Variants in RASGRP3 observed in about 807,000 individuals in gnomAD.
RASGRP3 encodes the protein ras guanyl-releasing protein 3.
RASGRP3 carries 54 observed loss-of-function variants against 82.7 expected under a neutral mutation model. The observed-to-expected ratio is 0.65, with a 90% CI of 0.52 to 0.82. The LOEUF is 0.82. Ranked by LOEUF, RASGRP3 falls within the 40% of genes least tolerant of loss-of-function variation. RASGRP3 has a pLI of 0.00. For synonymous variants in RASGRP3, 309 were observed against 300.5 expected, an observed-to-expected ratio of 1.03 and a Z score of -0.29; for missense variants, 861 against 828.9, an observed-to-expected ratio of 1.04 and a Z score of -0.48.
chr2:33,441,698 C>T (rs1248905810), intron 1 of RASGRP3, among the ~76,000 whole-genome samples: 1 of 152,256 alleles, frequency 6.6e-6, no homozygotes, highest in Non-Finnish European at 1.5e-5. Context: ...TGTTTGGCTA[C>T]TAAACTTTCA....
chr2:33,527,006 C>A (rs1176821901), intron 9 of RASGRP3, 131 bp from the exon 10 acceptor site: 1 of 941,714 alleles, frequency 1.1e-6, no homozygotes, highest in African/African-American at 1.7e-5. Flanking sequence ...ATTCATATTT[C>A]CCTGCAGCAA....
chr2:33,521,325 A>G (rs912952385), intron 6 of RASGRP3, among the ~76,000 whole-genome samples: 4 of 152,278 alleles, frequency 2.6e-5, no homozygotes, highest in Admixed American at 6.5e-5. Flanking sequence ...AGACTATTTG[A>G]TGATCCTAAA....
intron 16 of RASGRP3, 94 bp downstream of exon 16, chr2:33,558,430 G>T: frequency 6.3e-7 from 1 of 1,582,586 alleles, no homozygotes; most frequent in East Asian, 2.2e-5. Context: ...AACCCGGTCA[G>T]TCACTCTAAA....
chr2:33,548,347 C>A (rs1574481460), intron 13 of RASGRP3, among the ~76,000 whole-genome samples: 1 of 107,842 alleles, frequency 9.3e-6, no homozygotes, highest in Non-Finnish European at 1.7e-5. Flanking sequence ...GGCTAAAGAG[C>A]GGGACTCCGT....
intron 2 of RASGRP3, among the ~76,000 whole-genome samples, chr2:33,462,046 C>G (rs560824537): frequency 6.6e-6 from 1 of 152,156 alleles, no homozygotes; most frequent in Non-Finnish European, 1.5e-5. Flanking sequence ...AAGCGATTAA[C>G]TGGAACATTG....
At chr2:33,470,218 A>G (rs1666974105) in intron 2 of RASGRP3, among the ~76,000 whole-genome samples, 1 of 152,134 alleles carries the variant, frequency 6.6e-6, no homozygotes, top group Admixed American at 6.5e-5. Flanking sequence ...TATATTTACA[A>G]TGTTAAGTTT....
chr2:33,453,929 T>C (rs1665919427), intron 2 of RASGRP3, among the ~76,000 whole-genome samples: 1 of 152,198 alleles, frequency 6.6e-6, no homozygotes, highest in Non-Finnish European at 1.5e-5. Flanking sequence ...GAGAAATTTA[T>C]TTTTCACTAT....
chr2:33,543,925 C>T (rs959526610), intron 13 of RASGRP3, among the ~76,000 whole-genome samples: 1 of 152,028 alleles, frequency 6.6e-6, no homozygotes, highest in Non-Finnish European at 1.5e-5. Flanking sequence ...AAATCTCCAC[C>T]AAAAAAGAGT....
chr2:33,472,531 A>G (rs1169206678), upstream of RASGRP3, among the ~76,000 whole-genome samples: 1 of 152,124 alleles, frequency 6.6e-6, no homozygotes, highest in Non-Finnish European at 1.5e-5. Context: ...GCAAGATGAG[A>G]AGAGAGGATT....
rs201752145 is a variant in RASGRP3, at chr2:33,556,926, C to CAT, written c.1580-1284_1580-1283insTA. Among the ~76,000 whole-genome samples the CAT allele has an allele frequency of 2.4e-3, 365 of 149,420 alleles. 5 individuals carry two copies. Among genetic ancestry groups the CAT allele is most frequent in the African/African-American group, 8.5e-3 (337 of 39,774 alleles). On this transcript the variant is annotated intron_variant, in intron 15 of 17. Coordinates refer to ENST00000403687, the MANE Select transcript of RASGRP3 (RefSeq NM_001139488.2). ...ACACACACACACACACACACACACA[C>CAT]ACGCAATTTTATAAAGATGAAAATC... is the stretch of plus-strand genomic sequence containing the variant.
In RASGRP3 at chr2:33,515,058, T is replaced by G. The variant is rs79274432; in HGVS notation, c.-79T>G. ...GACAGGTCACCACTAGGCACTAACA[T>G]CGCTGACTTGCATGATTATGGAGAT... is the stretch of plus-strand genomic sequence containing the variant. On this transcript the variant is annotated 5_prime_UTR_variant, in exon 3 of 18. Coordinates refer to ENST00000403687, the MANE Select transcript of RASGRP3 (RefSeq NM_001139488.2). 1.8e-3 allele frequency: 2,401 copies of G among 1,366,136 alleles called. 38 individuals carry two copies. The African/African-American group carries it at 0.03, about 17-fold the overall frequency. The allele number at this position is 1,366,136 out of a possible 1,614,324, so 84.6% of individuals were successfully genotyped here.
At chr2:33,491,436 G>C (rs1476642456) in intron 1 of RASGRP3, among the ~76,000 whole-genome samples, 2 of 150,886 alleles carry the variant, frequency 1.3e-5, no homozygotes, top group Admixed American at 6.6e-5. Flanking sequence ...AATTGGAAAT[G>C]TATTAATACT....
intron 13 of RASGRP3, among the ~76,000 whole-genome samples, chr2:33,544,965 A>G (rs745374665): frequency 3.3e-5 from 5 of 152,254 alleles, no homozygotes; most frequent in South Asian, 4.1e-4. Flanking sequence ...ATACTTTTAA[A>G]ATAAATTTAA....
intron 10 of RASGRP3, among the ~76,000 whole-genome samples, chr2:33,530,219 C>G (rs1281398518): frequency 6.6e-6 from 1 of 152,152 alleles, no homozygotes; most frequent in Non-Finnish European, 1.5e-5. Context: ...TAAATTTTCT[C>G]CTGAAGTGAT....
intron 14 of RASGRP3, among the ~76,000 whole-genome samples, chr2:33,551,270 G>A (rs1268409170): frequency 1.3e-5 from 2 of 152,034 alleles, no homozygotes; most frequent in Admixed American, 1.3e-4. Flanking sequence ...CCAAGATCAT[G>A]CCACTGCACT....
intron 10 of RASGRP3, chr2:33,533,337 A>G (rs1264522096): frequency 6.6e-6 from 1 of 152,186 alleles, no homozygotes; most frequent in Non-Finnish European, 1.5e-5. Flanking sequence ...CTCCTGGTTA[A>G]GTCCCAATTC....
chr2:33,455,826 T>G (rs1328276222), intron 2 of RASGRP3, among the ~76,000 whole-genome samples: 1 of 152,194 alleles, frequency 6.6e-6, no homozygotes, highest in Non-Finnish European at 1.5e-5. Context: ...GAAAGGAATC[T>G]TCACCATGAC....
chr2:33,505,882 A>AT (rs1407116127), intron 1 of RASGRP3, among the ~76,000 whole-genome samples: 1 of 152,126 alleles, frequency 6.6e-6, no homozygotes, highest in East Asian at 1.9e-4. Context: ...AAATGCTAGG[A>AT]GAATACCCCC....
intron 14 of RASGRP3, chr2:33,555,164 G>T (rs10182608): frequency 5.7e-6 from 1 of 175,606 alleles, no homozygotes; most frequent in Non-Finnish European, 1.2e-5. Flanking sequence ...TGTAGTGGGC[G>T]CTAAGAGCAG....
Sources: allele counts gnomAD v4.1 joint callset (sites outside exome capture counted in the v4.1 genomes callset), GRCh38; gene constraint gnomAD v4.1.1; transcripts MANE v1.5; gene names NCBI Gene and HGNC (gene_info 2026-07-23, HGNC 2026-07-21).